The following FSD1L variants were observed in gnomAD, a reference collection of about 807,000 sequenced individuals.
The protein encoded by FSD1L is FSD1-like protein.
A neutral mutation model predicts 71.6 loss-of-function variants in FSD1L; 45 were observed. That is an observed-to-expected ratio of 0.63 (90% CI 0.49 to 0.81). The LOEUF (loss-of-function observed/expected upper bound fraction) is 0.81, where lower values mean the gene tolerates loss of function less well. FSD1L is among the 30% of genes least tolerant of loss of function. FSD1L has a pLI of 0.00. For missense variants in FSD1L, 561 were observed against 618.1 expected (o/e 0.91, Z 0.98); for synonymous variants, 197 against 207.2 (o/e 0.95, Z 0.42).
At chr9:105,513,079 C>T in intron 10 of FSD1L, 143 bp downstream of exon 10, 5 of 637,272 alleles carry the variant, frequency 7.8e-6, no homozygotes, top group Non-Finnish European at 1.2e-5. Flanking sequence ...GAATATAATA[C>T]TATTTGTCAG....
At chr9:105,539,055 T>A (rs1403256456) in intron 12 of FSD1L, among the ~76,000 whole-genome samples, 1 of 152,124 alleles carries the variant, frequency 6.6e-6, no homozygotes, top group Non-Finnish European at 1.5e-5. Flanking sequence ...ATTATAGAGG[T>A]CTTGAAAACC....
At chr9:105,454,848 A>G (rs1830267669) in intron 1 of FSD1L, among the ~76,000 whole-genome samples, 2 of 152,342 alleles carry the variant, frequency 1.3e-5, no homozygotes, top group South Asian at 2.1e-4. Context: ...CTGGTAAGCT[A>G]GACAATCAGA....
At position 105,506,391 on chromosome 9, in the gene FSD1L, C is replaced by A; in HGVS notation, c.587-8C>A. ...TGAATGAGTCTTTTTTTTTTTTCTT[C>A]TTTGCAGTCCCCAAAGCTCCAGAGA... On this transcript the variant is annotated splice_polypyrimidine_tract_variant and splice_region_variant and intron_variant, in intron 7 of 13. Coordinates refer to ENST00000481272, the MANE Select transcript of FSD1L (RefSeq NM_001145313.3). 3.7e-5 allele frequency: 54 copies of A among 1,451,384 alleles called. No homozygotes were observed. The highest frequency in any genetic ancestry group is 1.9e-4 in the East Asian group (7 of 37,558). The allele number at this position is 1,451,384 out of a possible 1,614,324, so 89.9% of individuals were successfully genotyped here. A position where few individuals can be genotyped will look rare whatever the true frequency, so the allele number is the denominator to read the frequency against.
chr9:105,442,680 C>T, the FSD1L span, among the ~76,000 whole-genome samples: 12 of 151,332 alleles, frequency 7.9e-5, no homozygotes, highest in African/African-American at 2.7e-4. Context: ...AGAGCCAGAC[C>T]CTGTCTCAAA....
At chr9:105,494,801 G>T (rs1297720038) in intron 7 of FSD1L, among the ~76,000 whole-genome samples, 2 of 152,170 alleles carry the variant, frequency 1.3e-5, no homozygotes, top group Non-Finnish European at 2.9e-5. Context: ...AGCAGCGGTG[G>T]CTGCAGAACA....
intron 1 of FSD1L, among the ~76,000 whole-genome samples, chr9:105,458,979 A>T (rs1329021): frequency 0.11 from 16,494 of 152,280 alleles, 1,183 homozygotes; most frequent in Admixed American, 0.2. Context: ...TCGTTGAATT[A>T]TGATATATTT....
chr9:105,521,974 T>C, intron 10 of FSD1L: 1 of 1,613,080 alleles, frequency 6.2e-7, no homozygotes, highest in Non-Finnish European at 8.5e-7. Flanking sequence ...CAAGTATCAA[T>C]GGACAAAAAG....
At chr9:105,451,116 C>T (rs1490968990) in intron 1 of FSD1L, among the ~76,000 whole-genome samples, 1 of 152,024 alleles carries the variant, frequency 6.6e-6, no homozygotes. Flanking sequence ...CCCGCCACCA[C>T]GCCTGGCTAA....
At chr9:105,489,663 A>G (rs1244940538) in intron 7 of FSD1L, among the ~76,000 whole-genome samples, 1 of 151,452 alleles carries the variant, frequency 6.6e-6, no homozygotes, top group Non-Finnish European at 1.5e-5. Context: ...CACTCCCCTC[A>G]CCCCACAACA....
chr9:105,515,825 A>C (rs552450647), intron 10 of FSD1L, among the ~76,000 whole-genome samples: 3 of 151,170 alleles, frequency 2.0e-5, no homozygotes, highest in Non-Finnish European at 4.4e-5. Flanking sequence ...TGGCGCCTGG[A>C]ACACCAGTGA....
At chr9:105,445,048 G>A (rs1829612749), upstream of FSD1L, among the ~76,000 whole-genome samples, 1 of 152,196 alleles carries the variant, frequency 6.6e-6, no homozygotes, top group Admixed American at 6.5e-5. Flanking sequence ...ATTTCTAAAT[G>A]GATTTGGCTG....
chr9:105,481,821 G>A (rs1357195363), intron 6 of FSD1L, among the ~76,000 whole-genome samples: 5 of 151,322 alleles, frequency 3.3e-5, no homozygotes, highest in Non-Finnish European at 5.9e-5. Context: ...CACCCAGGCT[G>A]GAGTGCAGTG....
At chr9:105,454,275 C>T (rs1420040148) in intron 1 of FSD1L, among the ~76,000 whole-genome samples, 2 of 152,030 alleles carry the variant, frequency 1.3e-5, no homozygotes, top group Non-Finnish European at 2.9e-5. Context: ...GGATATTTTT[C>T]CATATTAATC....
Position 105,521,805 on chromosome 9 carries a change from C to CA in FSD1L, c.1025+8873dup, listed in dbSNP as rs1835180876. On this transcript the variant is annotated intron_variant, in intron 10 of 13. Coordinates refer to ENST00000481272, the MANE Select transcript of FSD1L (RefSeq NM_001145313.3). ...TAACACCTCTGAAGAAGCCACAGAA[C>CA]AAAACATACGAGCTGGTACCCAGGC... 6 of 1,612,460 alleles carry CA rather than the reference C, an allele frequency of 3.7e-6. No individual in the cohort carries two copies. The South Asian group carries it at 5.5e-5, about 15-fold the overall frequency.
In FSD1L at chr9:105,496,228, G is replaced by A. The variant is rs1253345875; in HGVS notation, c.587-10171G>A. Among the ~76,000 whole-genome samples, 3 of 139,042 alleles carry A rather than the reference G, an allele frequency of 2.2e-5. No individual in the cohort carries two copies. In the Admixed American group the frequency reaches 2.2e-4, roughly 10 times the overall value. The allele number at this position is 139,042 out of a possible 152,430, so 91.2% of individuals were successfully genotyped here. A position where few individuals can be genotyped will look rare whatever the true frequency, so the allele number is the denominator to read the frequency against. ...TTTTTTTTTTTTTTTTTTTGTGTCG[G>A]AATCTCGCTGTGTCGCCCAGGCTGG... On this transcript the variant is annotated intron_variant, in intron 7 of 13. Coordinates refer to ENST00000481272, the MANE Select transcript of FSD1L (RefSeq NM_001145313.3).
intron 3 of FSD1L, among the ~76,000 whole-genome samples, chr9:105,466,085 A>G (rs1243663010): frequency 6.6e-6 from 1 of 152,206 alleles, no homozygotes. Context: ...AAAAATCAGT[A>G]TTGCTTCTAT....
At chr9:105,526,309 G>T in intron 10 of FSD1L, 1 of 1,609,884 alleles carries the variant, frequency 6.2e-7, no homozygotes, top group Non-Finnish European at 8.5e-7. Context: ...TGCAGCACAG[G>T]TTTTTTCTCC....
At chr9:105,491,801 T>G (rs1046758340) in intron 7 of FSD1L, among the ~76,000 whole-genome samples, 8 of 152,218 alleles carry the variant, frequency 5.3e-5, no homozygotes, top group South Asian at 4.1e-4. Flanking sequence ...TGGATTACAT[T>G]TATTGATTTG....
intron 10 of FSD1L, among the ~76,000 whole-genome samples, chr9:105,529,022 T>G (rs1281310326): frequency 1.3e-5 from 2 of 152,082 alleles, no homozygotes; most frequent in Non-Finnish European, 2.9e-5. Context: ...AAAAAAATGC[T>G]CATCATCACT....
Sources: allele counts gnomAD v4.1 joint callset (sites outside exome capture counted in the v4.1 genomes callset), GRCh38; gene constraint gnomAD v4.1.1; transcripts MANE v1.5; gene names NCBI Gene and HGNC (gene_info 2026-07-23, HGNC 2026-07-21).